ZFP64: variants seen among roughly 807,000 people sequenced by gnomAD.
ZFP64 encodes zinc finger protein 64.
In ZFP64, 14 loss-of-function variants were observed where a neutral mutation model predicts 51.6. That is an observed-to-expected ratio of 0.27 (90% CI 0.18 to 0.42). ZFP64 has a LOEUF of 0.42. ZFP64 is among the 10% of genes least tolerant of loss of function. ZFP64 has a pLI of 1.00. For synonymous variants in ZFP64, 375 were observed against 361.4 expected (o/e 1.04, Z -0.43); for missense variants, 754 against 906.8 (o/e 0.83, Z 2.16).
At chr20:52,087,029 C>G (rs575745428) in intron 8 of ZFP64, among the ~76,000 whole-genome samples, 1 of 152,242 alleles carries the variant, frequency 6.6e-6, no homozygotes, top group South Asian at 2.1e-4. Flanking sequence ...CTATTTTGCT[C>G]TCATACTTGA....
intron 5 of ZFP64, among the ~76,000 whole-genome samples, chr20:52,134,165 C>T (rs1979860972): frequency 6.6e-6 from 1 of 152,018 alleles, no homozygotes; most frequent in Non-Finnish European, 1.5e-5. Context: ...CTCCCCAAGG[C>T]CCTTTTTAAG....
chr20:52,182,825 T>C (rs1395844636), intron 2 of ZFP64, among the ~76,000 whole-genome samples: 2 of 152,128 alleles, frequency 1.3e-5, no homozygotes, highest in Admixed American at 6.5e-5. Context: ...GTGAGCAGTG[T>C]TCACACCCAA....
rs556168752 is a variant in ZFP64 at position 52,171,120 on chromosome 20, A to AT, written c.287-5096dup. 4.6e-5 allele frequency among the ~76,000 whole-genome samples: 7 copies of AT among 152,340 alleles called. No homozygotes were observed. In the South Asian group the frequency reaches 1.4e-3, roughly 32 times the overall value. On this transcript the variant is annotated intron_variant, in intron 2 of 5. Coordinates refer to ENST00000216923, the MANE Select transcript of ZFP64 (RefSeq NM_018197.3). ...GGGGCATTGGGTGCTGAAGACTCTC[A>AT]TCCAGATGGTCGGCTTGCTGGCGCC...
Position 52,160,030 on chromosome 20 carries a change from A to G in ZFP64, c.763+93T>C, listed in dbSNP as rs1195989192. 1.3e-6 allele frequency: 2 copies of G among 1,572,278 alleles called. No individual in the cohort carries two copies. Among genetic ancestry groups the G allele is most frequent in the African/African-American group, 2.7e-5 (2 of 73,094 alleles). ...CGGGATGAGCAAAGGTTCCAACTCG[A>G]TTTCTTACATTGTGGCTGAATGCTT... is the stretch of plus-strand genomic sequence containing the variant. On this transcript the variant is annotated intron_variant, in intron 5 of 5. Coordinates refer to ENST00000216923, the MANE Select transcript of ZFP64 (RefSeq NM_018197.3). The surrounding 1 kb of genome is among the most constrained non-coding windows in gnomAD (Gnocchi z 4.2).
intron 5 of ZFP64, among the ~76,000 whole-genome samples, chr20:52,142,092 C>T (rs147462391): frequency 3.3e-5 from 5 of 152,084 alleles, no homozygotes; most frequent in African/African-American, 7.2e-5. Flanking sequence ...ATGGGCCTGG[C>T]GCGGTGGCTC....
chr20:52,142,377 G>GACAAACAC (rs1980300009), intron 5 of ZFP64, among the ~76,000 whole-genome samples: 1 of 118,370 alleles, frequency 8.4e-6, no homozygotes, highest in Admixed American at 8.0e-5. Flanking sequence ...CACACACACA[G>GACAAACAC]ACACACACAC....
At chr20:52,166,069 G>A (rs2273472) in intron 2 of ZFP64, 44 bp from the exon 3 acceptor site, 30 of 1,556,532 alleles carry the variant, frequency 1.9e-5, no homozygotes, top group Middle Eastern at 1.7e-4. Context: ...ATAAATGCCC[G>A]CTAGCTATGG....
At chr20:52,157,218 A>G (rs1403935748) in intron 5 of ZFP64, among the ~76,000 whole-genome samples, 1 of 152,210 alleles carries the variant, frequency 6.6e-6, no homozygotes. Context: ...TCTCAGCTGG[A>G]CAAAGGACTC....
intron 8 of ZFP64, among the ~76,000 whole-genome samples, chr20:52,087,362 T>C (rs1321208392): frequency 2.0e-5 from 3 of 152,222 alleles, no homozygotes; most frequent in Non-Finnish European, 4.4e-5. Flanking sequence ...CCCAATTTTT[T>C]TCCCGTAATC....
At chr20:52,098,621 A>C (rs769951439) in intron 5 of ZFP64, 1 of 1,613,450 alleles carries the variant, frequency 6.2e-7, no homozygotes, top group South Asian at 1.1e-5. Context: ...TTAGTTTCTC[A>C]TTTATAACCA....
Position 52,153,461 on chromosome 20 carries a change from G to A in ZFP64, c.764-33C>T. The A allele has an allele frequency of 6.3e-7, 1 of 1,595,638 alleles. No homozygotes were observed. Among genetic ancestry groups the A allele is most frequent in the Non-Finnish European group, 8.5e-7 (1 of 1,169,866 alleles). ...CACAAGGTGAGTTTCGATAAGAACAGGCAGGCAACAACCACAGCGGATCCC... is the reference window on the plus strand; with the variant it reads ...CACAAGGTGAGTTTCGATAAGAACAAGCAGGCAACAACCACAGCGGATCCC... On this transcript the variant is annotated intron_variant, in intron 5 of 5. Transcript: ENST00000216923. The surrounding 1 kb of genome is among the most constrained non-coding windows in gnomAD (Gnocchi z 5.1).
chr20:52,159,507 G>T (rs1331397354), intron 5 of ZFP64, among the ~76,000 whole-genome samples: 1 of 152,184 alleles, frequency 6.6e-6, no homozygotes, highest in Non-Finnish European at 1.5e-5. Flanking sequence ...TAAACTTCAT[G>T]ATTTTCCCCT....
At chr20:52,087,872 C>T (rs142922830) in intron 8 of ZFP64, among the ~76,000 whole-genome samples, 214 of 152,324 alleles carry the variant, frequency 1.4e-3, no homozygotes, top group African/African-American at 4.3e-3. Context: ...CCTGTCTGCT[C>T]ACCATTTTCC....
chr20:52,127,821 A>T (rs1467454210), intron 5 of ZFP64, among the ~76,000 whole-genome samples: 1 of 152,176 alleles, frequency 6.6e-6, no homozygotes, highest in African/African-American at 2.4e-5. Flanking sequence ...ACTTATCCAG[A>T]TATTGAACAC....
At chr20:52,178,438 A>G (rs1225592575) in intron 2 of ZFP64, among the ~76,000 whole-genome samples, 1 of 152,204 alleles carries the variant, frequency 6.6e-6, no homozygotes, top group Admixed American at 6.5e-5. Context: ...ACTACTTTAT[A>G]TAGAGTACTT....
chr20:52,102,529 T>C (rs2079064243), intron 5 of ZFP64, among the ~76,000 whole-genome samples: 1 of 152,162 alleles, frequency 6.6e-6, no homozygotes, highest in Non-Finnish European at 1.5e-5. Flanking sequence ...CCTATGTCCC[T>C]CAGGGACAGA....
chr20:52,183,408 G>A (rs1227526889), intron 2 of ZFP64, among the ~76,000 whole-genome samples: 2 of 152,144 alleles, frequency 1.3e-5, no homozygotes, highest in African/African-American at 2.4e-5. Context: ...CTGGGATTTT[G>A]GTTTTCGAGG....
rs1446736970 is a variant in ZFP64 at position 52,168,646 on chromosome 20, A to T, written c.287-2621T>A. On this transcript the variant is annotated intron_variant, in intron 2 of 5. Transcript: ENST00000216923. ...TAGAACTTAACCCAGCTCTGTCTAT[A>T]TGAGGAATTCCACCTCTCTCGGTTG... 2.6e-5 allele frequency among the ~76,000 whole-genome samples: 4 copies of T among 152,148 alleles called. No individual in the cohort carries two copies. The East Asian group carries it at 7.7e-4, about 29-fold the overall frequency.
In ZFP64 at chr20:52,152,721, G is replaced by A. The variant is rs776206545; in HGVS notation, c.1471C>T (p.Gln491Ter). 5.1e-6 allele frequency: 8 copies of A among 1,569,836 alleles called. No homozygotes were observed. Among genetic ancestry groups the A allele is most frequent in the Non-Finnish European group, 8.6e-7 (1 of 1,156,706 alleles). Residue 491 changes from glutamine to a stop codon, truncating the protein, a stop_gained, in exon 6 of 6, where the codon CAG becomes TAG. Coordinates refer to ENST00000216923, the MANE Select transcript of ZFP64 (RefSeq NM_018197.3). LOFTEE classifies it high-confidence loss of function. ...QVPLQPSQVP[Q>*]FSEGRVKIIV... ...ATTTTGACTCTTCCCTCGCTGAACT[G>A]GGGCACTTGGCTGGGCTGGAGGGGC...
Sources: allele counts gnomAD v4.1 joint callset (sites outside exome capture counted in the v4.1 genomes callset), GRCh38; gene constraint gnomAD v4.1.1; non-coding constraint Gnocchi (gnomAD v3.1); transcripts MANE v1.5; gene names NCBI Gene and HGNC (gene_info 2026-07-23, HGNC 2026-07-21).